SLC13A1: variants seen among roughly 807,000 people sequenced by gnomAD.
SLC13A1 encodes solute carrier family 13 member 1, also known as Na(+)/sulfate cotransporter.
Under a neutral mutation model 70.0 loss-of-function variants are expected in SLC13A1, and 65 were observed. The ratio of observed to expected loss-of-function variants is 0.93; its 90% CI spans 0.76 to 1.14. SLC13A1 has a LOEUF of 1.14. Among genes scored for constraint, SLC13A1 ranks in the 50% most tolerant of loss-of-function variants. The pLI, the probability that SLC13A1 is intolerant of heterozygous loss-of-function variation, is 0.00. For synonymous variants in SLC13A1, 275 were observed against 250.5 expected (o/e 1.10, Z -0.92); for missense variants, 726 against 717.8 (o/e 1.01, Z -0.13).
At position 123,115,257 on chromosome 7, in the gene SLC13A1, A is replaced by G. The variant is rs1328533470; in HGVS notation, c.*261T>C. On this transcript the variant is annotated 3_prime_UTR_variant, in exon 15 of 15. Coordinates refer to ENST00000194130, the MANE Select transcript of SLC13A1 (RefSeq NM_022444.4). ...CAAGTTATAAATTATTCTTATGATG[A>G]AGCAAGTTGCAGATGGTTCATGAGC... 3.9e-6 allele frequency: 1 copy of G among 258,982 alleles called. No individual in the cohort carries two copies. The highest frequency in any genetic ancestry group is 2.2e-5 in the African/African-American group (1 of 44,960). 16.0% of individuals were successfully genotyped at this position (258,982 alleles called of 1,614,324 possible). A position where few individuals can be genotyped will look rare whatever the true frequency, so the allele number is the denominator to read the frequency against.
rs116971354 is a variant in SLC13A1, at chr7:123,137,801, G to A, written c.813-3272C>T. 8.6e-3 allele frequency among the ~76,000 whole-genome samples: 1,306 copies of A among 152,150 alleles called. 4 individuals are homozygous for A. Among genetic ancestry groups the A allele is most frequent in the Non-Finnish European group, 0.013 (870 of 68,010 alleles). On this transcript the variant is annotated intron_variant, in intron 7 of 14. Coordinates refer to ENST00000194130, the MANE Select transcript of SLC13A1 (RefSeq NM_022444.4). The stretch of plus-strand genomic sequence containing the variant: ...TTTAATTTTTGTGGGTACATAGTTG[G>A]TGTATATATGTATGGGGTACATGAG...
In SLC13A1 at chr7:123,134,362, GA is replaced by G. The variant is rs761493421; in HGVS notation, c.932+47del. On this transcript the variant is annotated intron_variant, in intron 8 of 14. Transcript: ENST00000194130. Reference sequence around the variant, plus strand: ...CATCGGATAAGAAGCTAAGAACTGGGAACCTAGACACCTTTATTTAGCCTAT... The same window carrying G: ...CATCGGATAAGAAGCTAAGAACTGGGACCTAGACACCTTTATTTAGCCTAT... The G allele has an allele frequency of 3.2e-6, 5 of 1,575,146 alleles. No individual in the cohort carries two copies. In the African/African-American group the frequency reaches 6.8e-5, roughly 21 times the overall value.
At chr7:123,129,182 A>G (rs1039176881) in intron 9 of SLC13A1, among the ~76,000 whole-genome samples, 1 of 152,078 alleles carries the variant, frequency 6.6e-6, no homozygotes, top group African/African-American at 2.4e-5. Flanking sequence ...TATGTGTTTT[A>G]TCATGTTGAG....
intron 6 of SLC13A1, among the ~76,000 whole-genome samples, chr7:123,159,242 A>G (rs1794808543): frequency 1.3e-5 from 2 of 152,178 alleles, no homozygotes; most frequent in Non-Finnish European, 2.9e-5. Context: ...TATGTCTCTC[A>G]ATATTCGTAT....
chr7:123,125,805 C>T, intron 10 of SLC13A1, 130 bp from the exon 11 acceptor site: 1 of 652,514 alleles, frequency 1.5e-6, no homozygotes, highest in South Asian at 1.8e-5. Context: ...TATTTATCCT[C>T]AATAATCTGC....
intron 3 of SLC13A1, 32 bp downstream of exon 3, chr7:123,171,736 G>A: frequency 6.2e-7 from 1 of 1,610,686 alleles, no homozygotes; most frequent in South Asian, 1.1e-5. Context: ...CTGTTCAGCA[G>A]GTAAACTGGA....
chr7:123,181,605 C>G (rs1374391017), intron 1 of SLC13A1, among the ~76,000 whole-genome samples: 3 of 152,040 alleles, frequency 2.0e-5, no homozygotes, highest in African/African-American at 4.8e-5. Context: ...AAACCTTTGC[C>G]GTACTGTGTC....
At chr7:123,117,675 A>G in intron 13 of SLC13A1, 67 bp from the exon 14 acceptor site, 1 of 1,060,526 alleles carries the variant, frequency 9.4e-7, no homozygotes, top group Non-Finnish European at 1.3e-6. Flanking sequence ...TAAAAAAAAA[A>G]AAAGTATTAC....
chr7:123,129,324 CTGTGTGTGTG>C (rs3837116), intron 9 of SLC13A1, 49 bp downstream of exon 9: 140,812 of 770,114 alleles, frequency 0.18, 7,318 homozygotes, highest in Non-Finnish European at 0.19. Context: ...TCTCTCTTCT[CTGTGTGTGTG>C]TGTGTGTGTG....
chr7:123,148,784 T>G (rs1485896297), intron 6 of SLC13A1, among the ~76,000 whole-genome samples: 1 of 152,116 alleles, frequency 6.6e-6, no homozygotes, highest in Non-Finnish European at 1.5e-5. Context: ...AGGAGGTTTG[T>G]GAGTTTGACT....
intron 6 of SLC13A1, among the ~76,000 whole-genome samples, chr7:123,161,972 T>C (rs1454707956): frequency 6.6e-6 from 1 of 151,980 alleles, no homozygotes; most frequent in Admixed American, 6.6e-5. Context: ...CATATATGCA[T>C]GAAATATTTC....
rs768832726 is a variant in SLC13A1, at chr7:123,115,660, A to G, written c.1651-5T>C. 3.1e-6 allele frequency: 5 copies of G among 1,613,496 alleles called. No homozygotes were observed. The South Asian group carries it at 5.5e-5, about 18-fold the overall frequency. On this transcript the variant is annotated splice_polypyrimidine_tract_variant and splice_region_variant and intron_variant, in intron 14 of 14. Coordinates refer to ENST00000194130, the MANE Select transcript of SLC13A1 (RefSeq NM_022444.4). Reference sequence around the variant, plus strand: ...GACACCAAGTCCAGCTTTAACCTTGAACAGGAAAGAGCATAAATGTCAGTG... The same window carrying G: ...GACACCAAGTCCAGCTTTAACCTTGGACAGGAAAGAGCATAAATGTCAGTG...
intron 1 of SLC13A1, among the ~76,000 whole-genome samples, chr7:123,194,660 G>C (rs1439382351): frequency 6.6e-6 from 1 of 151,978 alleles, no homozygotes; most frequent in Non-Finnish European, 1.5e-5. Flanking sequence ...CAGCAGGAAA[G>C]GAAAGAGAGG....
At chr7:123,161,320 G>A (rs1222595263) in intron 6 of SLC13A1, among the ~76,000 whole-genome samples, 1 of 150,784 alleles carries the variant, frequency 6.6e-6, no homozygotes, top group Non-Finnish European at 1.5e-5. Flanking sequence ...CAAGAAAAAT[G>A]TTAGAAATAA....
In SLC13A1 at chr7:123,168,417, T is replaced by C. The variant is rs375411417; in HGVS notation, c.617A>G (p.Asn206Ser). 2.6e-5 allele frequency: 41 copies of C among 1,594,476 alleles called. No homozygotes were observed. In the African/African-American group the frequency reaches 4.4e-4, roughly 17 times the overall value. Residue 206 changes from asparagine to serine, a missense_variant, in exon 6 of 15, where the codon AAT (asparagine) becomes AGT (serine). Coordinates refer to ENST00000194130, the MANE Select transcript of SLC13A1 (RefSeq NM_022444.4). ...KEKTKPVPGY[N>S]NDTGKISSKV... is the part of the protein sequence containing the mutation. The stretch of plus-strand genomic sequence containing the variant: ...GCTTGAAATTTTCCCTGTATCATTA[T>C]TGTATCTGAAAAATACATTGATCCA...
chr7:123,180,457 C>T (rs967930756), intron 2 of SLC13A1, among the ~76,000 whole-genome samples: 4 of 152,042 alleles, frequency 2.6e-5, no homozygotes, highest in Non-Finnish European at 5.9e-5. Context: ...CAGATGGGTA[C>T]TCTTAGATTG....
intron 1 of SLC13A1, among the ~76,000 whole-genome samples, chr7:123,196,139 G>A (rs1038025268): frequency 1.3e-5 from 2 of 151,974 alleles, no homozygotes; most frequent in Admixed American, 6.6e-5. Flanking sequence ...GTTTTACCAA[G>A]ATTTTAACTG....
At chr7:123,178,279 G>A (rs960405827) in intron 2 of SLC13A1, among the ~76,000 whole-genome samples, 4 of 152,012 alleles carry the variant, frequency 2.6e-5, no homozygotes, top group Non-Finnish European at 5.9e-5. Flanking sequence ...TAATAAACAG[G>A]TAAAGTTATA....
At chr7:123,194,520 T>A (rs1796111535) in intron 1 of SLC13A1, among the ~76,000 whole-genome samples, 1 of 152,100 alleles carries the variant, frequency 6.6e-6, no homozygotes, top group African/African-American at 2.4e-5. Flanking sequence ...TTGAAAAATT[T>A]TGATTTTTCA....
Sources: allele counts gnomAD v4.1 joint callset (sites outside exome capture counted in the v4.1 genomes callset), GRCh38; gene constraint gnomAD v4.1.1; transcripts MANE v1.5; gene names NCBI Gene and HGNC (gene_info 2026-07-23, HGNC 2026-07-21).